Variants in SLC16A12 observed in about 807,000 individuals in gnomAD.
SLC16A12 encodes monocarboxylate transporter 12.
A neutral mutation model predicts 42.4 loss-of-function variants in SLC16A12; 17 were observed. The observed-to-expected ratio is 0.40, with a 90% CI of 0.27 to 0.60. The LOEUF is 0.60. Among genes scored for constraint, SLC16A12 ranks in the 20% least tolerant of loss-of-function variants. SLC16A12 has a pLI of 0.42. For missense variants in SLC16A12, 544 were observed against 623.0 expected (o/e 0.87, Z 1.35); for synonymous variants, 224 against 229.4 (o/e 0.98, Z 0.21).
At chr10:89,462,332 A>G (rs1230031366) in intron 3 of SLC16A12, 47 bp downstream of exon 3, 2 of 1,612,952 alleles carry the variant, frequency 1.2e-6, no homozygotes, top group African/African-American at 2.7e-5. Flanking sequence ...TTAAAAGAAA[A>G]GACAGGCCAG....
Position 89,535,293 on chromosome 10 carries a change from C to T in SLC16A12, c.-187+149G>A, listed in dbSNP as rs557712602. The stretch of plus-strand genomic sequence containing the variant: ...CTCCCTCCCAACCCAAGCTGCGCGC[C>T]GACGCACCCAAGTTAGGGTCCCAGG... On this transcript the variant is annotated intron_variant, in intron 1 of 7. Coordinates refer to ENST00000371790, the MANE Select transcript of SLC16A12 (RefSeq NM_213606.4). 4 of 152,342 alleles carry T rather than the reference C, an allele frequency of 2.6e-5. No homozygotes were observed. In the East Asian group the frequency reaches 7.8e-4, roughly 30 times the overall value. The allele number at this position is 152,342 out of a possible 1,614,324, so 9.4% of individuals were successfully genotyped here.
At chr10:89,512,974 T>TA (rs1473135031) in intron 2 of SLC16A12, among the ~76,000 whole-genome samples, 1 of 152,194 alleles carries the variant, frequency 6.6e-6, no homozygotes, top group Non-Finnish European at 1.5e-5. Flanking sequence ...GCAGGACACC[T>TA]AGGTGGTATC....
chr10:89,513,515 C>CA (rs1843196397), intron 2 of SLC16A12, among the ~76,000 whole-genome samples: 1 of 152,080 alleles, frequency 6.6e-6, no homozygotes. Flanking sequence ...ATTTCCTCAC[C>CA]ATTAAAAATA....
At chr10:89,544,318 T>C (rs1195569024) in intron 2 of SLC16A12, among the ~76,000 whole-genome samples, 1 of 152,234 alleles carries the variant, frequency 6.6e-6, no homozygotes, top group Non-Finnish European at 1.5e-5. Flanking sequence ...GAAGAGTTAC[T>C]GGTGCTGTCT....
At chr10:89,525,433 G>A (rs895653329) in intron 2 of SLC16A12, among the ~76,000 whole-genome samples, 9 of 152,030 alleles carry the variant, frequency 5.9e-5, no homozygotes, top group Admixed American at 5.2e-4. Context: ...CAGAATATAT[G>A]GTTGTCTAAA....
chr10:89,462,303 G>C, intron 3 of SLC16A12, 76 bp downstream of exon 3: 1 of 1,594,144 alleles, frequency 6.3e-7, no homozygotes, highest in Non-Finnish European at 8.6e-7. Flanking sequence ...GATGGGTTCA[G>C]AAAGAGAATG....
At chr10:89,532,741 G>A (rs1004698205) in intron 2 of SLC16A12, among the ~76,000 whole-genome samples, 29 of 152,272 alleles carry the variant, frequency 1.9e-4, no homozygotes, top group Admixed American at 3.3e-4. Context: ...GCCTGAGCTT[G>A]CAAACTATGC....
intron 2 of SLC16A12, among the ~76,000 whole-genome samples, chr10:89,494,522 T>G (rs1842895070): frequency 6.6e-6 from 1 of 152,236 alleles, no homozygotes; most frequent in Non-Finnish European, 1.5e-5. Context: ...GCACGCATGT[T>G]TATCTCTCCT....
At chr10:89,449,779 G>C (rs2133711976) in intron 3 of SLC16A12, among the ~76,000 whole-genome samples, 1 of 152,272 alleles carries the variant, frequency 6.6e-6, no homozygotes, top group Non-Finnish European at 1.5e-5. Flanking sequence ...AAACTAAAGA[G>C]CTTCTGCACA....
chr10:89,438,905 T>C lies in SLC16A12; in HGVS notation c.727A>G (p.Arg243Gly), dbSNP rs2133687684. ...CGCTTAATGTCTTCTTTCTGAGTTC[T>C]ACACACATGGTTCTGCTCTGGAGTT... ...HTTPEQNHVC[R>G]TQKEDIKRVS... is the part of the protein sequence containing the mutation. The change falls in exon 6 of 8, where the codon AGA (arginine) becomes GGA (glycine). Residue 243 changes from arginine to glycine, a missense_variant. Physicochemically the swap from Arg to Gly is moderately radical, Grantham distance 125. Transcript: ENST00000371790. 1.9e-6 allele frequency: 3 copies of C among 1,614,234 alleles called. No individual in the cohort carries two copies. The East Asian group carries it at 6.7e-5, about 36-fold the overall frequency.
At position 89,462,595 on chromosome 10, in the gene SLC16A12, A is replaced by C. The variant is rs1035895676; in HGVS notation, c.-17T>G. 8 of 1,587,316 alleles carry C rather than the reference A, an allele frequency of 5.0e-6. No homozygotes were observed. Among genetic ancestry groups the C allele is most frequent in the Non-Finnish European group, 6.8e-6 (8 of 1,170,978 alleles). On this transcript the variant is annotated 5_prime_UTR_variant, in exon 3 of 8. Transcript: ENST00000371790. The stretch of plus-strand genomic sequence containing the variant: ...TGATGGCATTCAAGGTTGGCATAGA[A>C]CGCTACCTGGCCCATGGGTTACTCG...
intron 3 of SLC16A12, among the ~76,000 whole-genome samples, chr10:89,460,796 G>A (rs547223384): frequency 1.3e-4 from 19 of 150,588 alleles, no homozygotes; most frequent in African/African-American, 4.4e-4. Flanking sequence ...TCTGGTTCTA[G>A]GTCAGGGAGG....
intron 2 of SLC16A12, among the ~76,000 whole-genome samples, chr10:89,494,642 C>G (rs537814563): frequency 5.9e-5 from 9 of 152,010 alleles, no homozygotes; most frequent in Non-Finnish European, 1.3e-4. Flanking sequence ...TTTTGGAAGC[C>G]GGAAAGTGAA....
intron 2 of SLC16A12, among the ~76,000 whole-genome samples, chr10:89,546,743 T>C (rs1332703986): frequency 6.6e-6 from 1 of 152,220 alleles, no homozygotes; most frequent in Non-Finnish European, 1.5e-5. Flanking sequence ...CATATGTTTA[T>C]TGCAGCACTA....
Position 89,535,484 on chromosome 10 carries a change from A to G in SLC16A12, c.-229T>C. ...CTGCACAACCGTGTCAGGGAGAGGG[A>G]AGAGGGGGAGCCGAGGAAGCTTCTT... On this transcript the variant is annotated 5_prime_UTR_variant, in exon 1 of 8. Transcript: ENST00000371790. 1 of 152,654 alleles carries G rather than the reference A, an allele frequency of 6.6e-6. No individual in the cohort carries two copies. The highest frequency in any genetic ancestry group is 1.5e-5 in the Non-Finnish European group (1 of 68,402). 9.5% of individuals were successfully genotyped at this position (152,654 alleles called of 1,614,324 possible).
rs960716457 is a variant in SLC16A12, at chr10:89,431,925, G to A, written c.*1139C>T. The A allele has an allele frequency of 6.6e-6, 1 of 152,168 alleles. No individual in the cohort carries two copies. The highest frequency in any genetic ancestry group is 1.9e-4 in the East Asian group (1 of 5,202). The allele number at this position is 152,168 out of a possible 1,614,324, so 9.4% of individuals were successfully genotyped here. A position where few individuals can be genotyped will look rare whatever the true frequency, so the allele number is the denominator to read the frequency against. ...AAGAGATGAAGAGCAGTGGATAGTG[G>A]AACAAGAATTAACACAGGGAGAAAG... On this transcript the variant is annotated 3_prime_UTR_variant, in exon 8 of 8. Coordinates refer to ENST00000371790, the MANE Select transcript of SLC16A12 (RefSeq NM_213606.4).
At position 89,471,336 on chromosome 10, in the gene SLC16A12, T is replaced by TTTCTGTCAAGATAGAA. The variant is rs1326305039; in HGVS notation, c.-46-8728_-46-8713dup. ...TAAATTAGTTGTCAATATAGATTGC[T>TTTCTGTCAAGATAGAA]TTCTGTCAAGATAGAATTCTGTCAA... On this transcript the variant is annotated intron_variant, in intron 2 of 7. Coordinates refer to ENST00000371790, the MANE Select transcript of SLC16A12 (RefSeq NM_213606.4). Among the ~76,000 whole-genome samples, 5 of 152,218 alleles carry TTTCTGTCAAGATAGAA rather than the reference T, an allele frequency of 3.3e-5. No individual in the cohort carries two copies. The East Asian group carries it at 9.6e-4, about 29-fold the overall frequency.
intron 2 of SLC16A12, among the ~76,000 whole-genome samples, chr10:89,511,235 T>C (rs940461342): frequency 1.3e-5 from 2 of 152,236 alleles, no homozygotes; most frequent in African/African-American, 4.8e-5. Flanking sequence ...ACTGGGTATA[T>C]ACCCAAAGGA....
intron 2 of SLC16A12, among the ~76,000 whole-genome samples, chr10:89,490,358 T>C (rs573992258): frequency 1.3e-5 from 2 of 152,302 alleles, no homozygotes; most frequent in South Asian, 4.1e-4. Flanking sequence ...CCTGAGTTAG[T>C]GTCAGATCCC....
Sources: allele counts gnomAD v4.1 joint callset (sites outside exome capture counted in the v4.1 genomes callset), GRCh38; gene constraint gnomAD v4.1.1; transcripts MANE v1.5; gene names NCBI Gene and HGNC (gene_info 2026-07-23, HGNC 2026-07-21).